The following PTGER3 variants were observed in gnomAD, a reference collection of about 807,000 sequenced individuals.
The protein encoded by PTGER3 is prostaglandin E2 receptor EP3 subtype.
Under a neutral mutation model 34.7 loss-of-function variants are expected in PTGER3, and 22 were observed. That is an observed-to-expected ratio of 0.63 (90% CI 0.45 to 0.91). The LOEUF is 0.91. Among genes scored for constraint, PTGER3 ranks in the 40% least tolerant of loss-of-function variants. PTGER3 has a pLI of 0.00. For missense variants in PTGER3, 468 were observed against 519.4 expected (o/e 0.90, Z 0.96); for synonymous variants, 241 against 230.1 (o/e 1.05, Z -0.43).
intron 2 of PTGER3, among the ~76,000 whole-genome samples, chr1:70,996,639 T>TTTATTTA (rs1553173494): frequency 0.029 from 3,521 of 122,714 alleles, 171 homozygotes; most frequent in African/African-American, 0.086. Context: ...TTTTTTGTAT[T>TTTATTTA]TTTATTTATT....
intron 1 of PTGER3, among the ~76,000 whole-genome samples, chr1:71,046,277 C>T (rs1209003982): frequency 8.5e-6 from 1 of 117,044 alleles, no homozygotes; most frequent in African/African-American, 3.3e-5. Context: ...CAGAGCGAGA[C>T]TCCGTCTCAA....
intron 2 of PTGER3, among the ~76,000 whole-genome samples, chr1:70,999,183 T>G (rs1656255790): frequency 6.6e-6 from 1 of 152,160 alleles, no homozygotes; most frequent in Admixed American, 6.5e-5. Flanking sequence ...AAAATAAGAC[T>G]AAAGATAAAC....
intron 4 of PTGER3, among the ~76,000 whole-genome samples, chr1:70,926,356 T>G (rs2100469691): frequency 6.6e-6 from 1 of 152,334 alleles, no homozygotes; most frequent in East Asian, 1.9e-4. Context: ...TTTATTTCAT[T>G]GAGCAGTGGT....
chr1:70,911,477 T>C (rs1341250026), intron 4 of PTGER3, among the ~76,000 whole-genome samples: 1 of 152,164 alleles, frequency 6.6e-6, no homozygotes, highest in Non-Finnish European at 1.5e-5. Flanking sequence ...GTGACAGTTA[T>C]AGATAGGTTT....
At chr1:70,867,738 A>T (rs886382430) in intron 4 of PTGER3, among the ~76,000 whole-genome samples, 2 of 152,112 alleles carry the variant, frequency 1.3e-5, no homozygotes, top group Non-Finnish European at 2.9e-5. Flanking sequence ...AGAAAAAAAA[A>T]AGTCTGGAAA....
chr1:71,035,851 A>G, intron 1 of PTGER3, among the ~76,000 whole-genome samples: 1 of 152,242 alleles, frequency 6.6e-6, no homozygotes, highest in East Asian at 1.9e-4. Context: ...ACACCTTCAC[A>G]TACTGCTCTT....
At chr1:70,909,063 T>G (rs1472255078) in intron 4 of PTGER3, among the ~76,000 whole-genome samples, 1 of 152,206 alleles carries the variant, frequency 6.6e-6, no homozygotes, top group African/African-American at 2.4e-5. Context: ...TCTGCATTGT[T>G]TATTACAGCT....
At chr1:71,019,228 C>T (rs1658184020) in intron 1 of PTGER3, among the ~76,000 whole-genome samples, 5 of 152,104 alleles carry the variant, frequency 3.3e-5, no homozygotes, top group Admixed American at 3.3e-4. Context: ...GGAGAGGGAC[C>T]AAAGAAAAAG....
At chr1:70,953,450 C>G (rs1650979450) in intron 3 of PTGER3, among the ~76,000 whole-genome samples, 1 of 152,076 alleles carries the variant, frequency 6.6e-6, no homozygotes, top group Non-Finnish European at 1.5e-5. Flanking sequence ...TGCTTGAAGC[C>G]TCCAATAGCC....
intron 4 of PTGER3, among the ~76,000 whole-genome samples, chr1:70,877,723 T>C (rs1231731074): frequency 6.6e-6 from 1 of 152,148 alleles, no homozygotes; most frequent in Non-Finnish European, 1.5e-5. Context: ...TTATTTTTGG[T>C]TTTAGCTCTG....
intron 4 of PTGER3, among the ~76,000 whole-genome samples, chr1:70,936,526 GA>G (rs1364615428): frequency 2.0e-5 from 3 of 151,638 alleles, no homozygotes; most frequent in Non-Finnish European, 2.9e-5. Flanking sequence ...ACATAGTGAA[GA>G]AAAAAAATGA....
chr1:71,027,188 C>T (rs999831557), intron 1 of PTGER3, among the ~76,000 whole-genome samples: 20 of 152,060 alleles, frequency 1.3e-4, no homozygotes, highest in African/African-American at 3.9e-4. Context: ...TTTTAAGAGA[C>T]GGGGTTTCTC....
chr1:70,968,119 T>G (rs1652717388), downstream of PTGER3, among the ~76,000 whole-genome samples: 1 of 152,174 alleles, frequency 6.6e-6, no homozygotes. Context: ...GTTTATTTTC[T>G]TTTACATTGG....
At chr1:70,991,479 T>G (rs530149780) in intron 2 of PTGER3, among the ~76,000 whole-genome samples, 3 of 152,172 alleles carry the variant, frequency 2.0e-5, no homozygotes, top group African/African-American at 7.2e-5. Flanking sequence ...ATATGTGGAG[T>G]GAGACAGGGA....
chr1:70,890,556 TA>T (rs1358361622), intron 4 of PTGER3, among the ~76,000 whole-genome samples: 3 of 152,232 alleles, frequency 2.0e-5, no homozygotes, highest in Admixed American at 2.0e-4. Flanking sequence ...GTTATCTTGG[TA>T]AACGGCACAA....
chr1:70,898,023 G>A (rs1258566642), intron 4 of PTGER3, among the ~76,000 whole-genome samples: 1 of 152,080 alleles, frequency 6.6e-6, no homozygotes, highest in Non-Finnish European at 1.5e-5. Context: ...GTGAGGGTTG[G>A]GGAGTGGGTA....
intron 4 of PTGER3, among the ~76,000 whole-genome samples, chr1:70,909,529 A>G (rs1647019538): frequency 6.6e-6 from 1 of 152,220 alleles, no homozygotes; most frequent in Non-Finnish European, 1.5e-5. Flanking sequence ...ATACTGTGTG[A>G]GTAAATGCAG....
intron 2 of PTGER3, among the ~76,000 whole-genome samples, chr1:70,954,866 A>G (rs1269156088): frequency 6.6e-6 from 1 of 152,116 alleles, no homozygotes; most frequent in Non-Finnish European, 1.5e-5. Flanking sequence ...CTACAAATAT[A>G]CTACTGAAAA....
intron 2 of PTGER3, among the ~76,000 whole-genome samples, chr1:70,982,724 T>C (rs1654503718): frequency 6.6e-6 from 1 of 152,158 alleles, no homozygotes. Context: ...TGGACATCTA[T>C]GCAAGGGAGC....
Sources: allele counts gnomAD v4.1 joint callset (sites outside exome capture counted in the v4.1 genomes callset), GRCh38; gene constraint gnomAD v4.1.1; transcripts MANE v1.5; gene names NCBI Gene and HGNC (gene_info 2026-07-23, HGNC 2026-07-21).